PACSIN3: variants seen among roughly 807,000 people sequenced by gnomAD.
The protein encoded by PACSIN3 is protein kinase C and casein kinase substrate in neurons protein 3.
A neutral mutation model predicts 56.1 loss-of-function variants in PACSIN3; 34 were observed. That is an observed-to-expected ratio of 0.61 (90% CI 0.46 to 0.81). The LOEUF is 0.81. PACSIN3 is among the 30% of genes least tolerant of loss of function. The pLI, the probability that PACSIN3 is intolerant of heterozygous loss-of-function variation, is 0.00. For missense variants in PACSIN3, 535 were observed against 592.4 expected (o/e 0.90, Z 1.01); for synonymous variants, 218 against 229.8 (o/e 0.95, Z 0.46).
In PACSIN3 at chr11:47,178,018, C is replaced by G; in HGVS notation, c.1188G>C (p.Glu396Asp). The stretch of plus-strand genomic sequence containing the variant: ...GGCCTTGGCACCAGCCCTGCTCGTC[C>G]TCCTCACTCATCTTCAGCAGCTCCT... ...AGEELLKMSEEDEQGWCQGQL... is the reference protein window; with the variant it reads ...AGEELLKMSEDDEQGWCQGQL... Residue 396 changes from glutamate to aspartate, a missense_variant, in exon 11 of 11, where the codon GAG becomes GAC. Glu to Asp is a conservative substitution (Grantham distance 45). Transcript: ENST00000298838. The surrounding 1 kb of genome is among the most constrained non-coding windows in gnomAD (Gnocchi z 4.2). The G allele has an allele frequency of 1.9e-6, 3 of 1,613,990 alleles. No homozygotes were observed. The highest frequency in any genetic ancestry group is 2.5e-6 in the Non-Finnish European group (3 of 1,179,900).
chr11:47,178,250 C>T lies in PACSIN3; in HGVS notation c.1159+116G>A. 7.8e-6 allele frequency: 11 copies of T among 1,415,314 alleles called. No homozygotes were observed. The highest frequency in any genetic ancestry group is 1.4e-5 in the African/African-American group (1 of 70,360). 87.7% of individuals were successfully genotyped at this position (1,415,314 alleles called of 1,614,324 possible). A position where few individuals can be genotyped will look rare whatever the true frequency, so the allele number is the denominator to read the frequency against. On this transcript the variant is annotated intron_variant, in intron 10 of 10. Coordinates refer to ENST00000298838, the MANE Select transcript of PACSIN3 (RefSeq NM_016223.5). The surrounding 1 kb of genome is among the most constrained non-coding windows in gnomAD (Gnocchi z 4.2). ...AGGCACCAGCTATCTGGACCTGGAA[C>T]AGCTGAAGGGACAGAGGACTGGCCC... is the stretch of plus-strand genomic sequence containing the variant.
chr11:47,178,615 G>T lies in PACSIN3; in HGVS notation c.1038-128C>A. The T allele has an allele frequency of 8.0e-7, 1 of 1,254,740 alleles. No homozygotes were observed. Among genetic ancestry groups the T allele is most frequent in the South Asian group, 1.5e-5 (1 of 67,836 alleles). 77.7% of individuals were successfully genotyped at this position (1,254,740 alleles called of 1,614,324 possible). ...TGGGAGAGTCAGGTGAGGTACTAAAGATTCTAGCTCTACCTCGCCATGCCC... is the reference window on the plus strand; with the variant it reads ...TGGGAGAGTCAGGTGAGGTACTAAATATTCTAGCTCTACCTCGCCATGCCC... On this transcript the variant is annotated intron_variant, in intron 9 of 10. Transcript: ENST00000298838. The surrounding 1 kb of genome is among the most constrained non-coding windows in gnomAD (Gnocchi z 4.2).
intron 1 of PACSIN3, 52 bp from the exon 2 acceptor site, chr11:47,183,121 C>T (rs554292842): frequency 1.6e-4 from 27 of 169,700 alleles, no homozygotes; most frequent in African/African-American, 5.5e-4. Flanking sequence ...GCGTCCAGGG[C>T]GGTGCCCGGC....
Position 47,179,655 on chromosome 11 carries a change from C to T in PACSIN3, c.604-69G>A, listed in dbSNP as rs1259921231. The T allele has an allele frequency of 1.4e-6, 2 of 1,473,106 alleles. No individual in the cohort carries two copies. The highest frequency in any genetic ancestry group is 2.8e-5 in the African/African-American group (2 of 71,596). 91.3% of individuals were successfully genotyped at this position (1,473,106 alleles called of 1,614,324 possible). On this transcript the variant is annotated intron_variant, in intron 6 of 10. Transcript: ENST00000298838. This position sits in a 1 kb window ranked among gnomAD's most constrained non-coding sequence, Gnocchi z 4.4. ...CACCCAGGACTCCACCAGTGTTTAC[C>T]AGACACTGCCATAGGCTGCTAGACC... is the stretch of plus-strand genomic sequence containing the variant.
At chr11:47,184,501 G>C (rs1158507582) in intron 1 of PACSIN3, 2 of 152,284 alleles carry the variant, frequency 1.3e-5, no homozygotes, top group Non-Finnish European at 2.9e-5. Flanking sequence ...CCACGCGCTG[G>C]AATCAGCAAT....
chr11:47,180,745 A>G (rs1344576061), intron 4 of PACSIN3, 55 bp from the exon 5 acceptor site: 51 of 1,436,498 alleles, frequency 3.6e-5, no homozygotes, highest in Non-Finnish European at 4.8e-5. Flanking sequence ...AAATGAGCCT[A>G]GCCCCTCTCA....
intron 1 of PACSIN3, among the ~76,000 whole-genome samples, chr11:47,184,836 A>G (rs1173758472): frequency 6.6e-6 from 1 of 152,096 alleles, no homozygotes; most frequent in African/African-American, 2.4e-5. Flanking sequence ...TGCCTGTTCC[A>G]GCCTCCGAGT....
At position 47,179,820 on chromosome 11, in the gene PACSIN3, A is replaced by G; in HGVS notation, c.604-234T>C. On this transcript the variant is annotated intron_variant, in intron 6 of 10. Transcript: ENST00000298838. The surrounding 1 kb of genome is among the most constrained non-coding windows in gnomAD (Gnocchi z 4.4). ...GATTGAAATGAGGTCAACCTACAGG[A>G]AAGGATGGGAGAAATCAGAAAAGGC... 1 of 569,864 alleles carries G rather than the reference A, an allele frequency of 1.8e-6. No homozygotes were observed. Among genetic ancestry groups the G allele is most frequent in the South Asian group, 2.4e-5 (1 of 42,280 alleles). The allele number at this position is 569,864 out of a possible 1,614,324, so 35.3% of individuals were successfully genotyped here.
In PACSIN3 at chr11:47,179,727, C is replaced by A; in HGVS notation, c.604-141G>T. On this transcript the variant is annotated intron_variant, in intron 6 of 10. Transcript: ENST00000298838. The surrounding 1 kb of genome is among the most constrained non-coding windows in gnomAD (Gnocchi z 4.4). ...ATCAGTCCCAAGACCCAGCTCCTGC[C>A]CTCAAGGACCCCAGCAGCCTAACAA... 1.4e-6 allele frequency: 1 copy of A among 691,896 alleles called. No homozygotes were observed. Among genetic ancestry groups the A allele is most frequent in the Non-Finnish European group, 2.4e-6 (1 of 419,898 alleles). 42.9% of individuals were successfully genotyped at this position (691,896 alleles called of 1,614,324 possible). A position where few individuals can be genotyped will look rare whatever the true frequency, so the allele number is the denominator to read the frequency against.
rs2135448101 is a variant in PACSIN3, at chr11:47,177,857, A to G, written c.*74T>C. ...CAGAGAGCGACGGTTCAGGGCCCTG[A>G]GGGTCCGGCTCTCCAGGAGAAGCTG... On this transcript the variant is annotated 3_prime_UTR_variant, in exon 11 of 11. Transcript: ENST00000298838. 8.5e-7 allele frequency: 1 copy of G among 1,171,166 alleles called. No homozygotes were observed. The highest frequency in any genetic ancestry group is 2.4e-5 in the East Asian group (1 of 42,314). 72.5% of individuals were successfully genotyped at this position (1,171,166 alleles called of 1,614,324 possible).
At chr11:47,183,342 G>C (rs1475902162) in intron 1 of PACSIN3, 2 of 152,342 alleles carry the variant, frequency 1.3e-5, no homozygotes, top group Non-Finnish European at 2.9e-5. Flanking sequence ...TGTTACCCGA[G>C]AGGCCAAGTC....
rs1471673138 is a variant in PACSIN3, at chr11:47,186,075, C to T, written c.-104+274G>A. Among the ~76,000 whole-genome samples, 1 of 151,996 alleles carries T rather than the reference C, an allele frequency of 6.6e-6. No individual in the cohort carries two copies. The highest frequency in any genetic ancestry group is 2.4e-5 in the African/African-American group (1 of 41,418). On this transcript the variant is annotated intron_variant, in intron 1 of 10. Coordinates refer to ENST00000298838, the MANE Select transcript of PACSIN3 (RefSeq NM_016223.5). The surrounding 1 kb of genome is among the most constrained non-coding windows in gnomAD (Gnocchi z 4.5). The stretch of plus-strand genomic sequence containing the variant: ...CGGGCGCGAGGCGAGCGGACGGGGG[C>T]CCTCGAGGGGCCCCTGAAGACGGCT...
At position 47,179,747 on chromosome 11, in the gene PACSIN3, T is replaced by A; in HGVS notation, c.604-161A>T. On this transcript the variant is annotated intron_variant, in intron 6 of 10. Transcript: ENST00000298838. This position sits in a 1 kb window ranked among gnomAD's most constrained non-coding sequence, Gnocchi z 4.4. ...CCTGCCCTCAAGGACCCCAGCAGCC[T>A]AACAAGGGAGGTGACATCAGGCACA... 1.6e-6 allele frequency: 1 copy of A among 632,298 alleles called. No individual in the cohort carries two copies. The highest frequency in any genetic ancestry group is 2.7e-6 in the Non-Finnish European group (1 of 367,824). 39.2% of individuals were successfully genotyped at this position (632,298 alleles called of 1,614,324 possible).
chr11:47,178,583 A>G lies in PACSIN3; in HGVS notation c.1038-96T>C. 1 of 1,475,186 alleles carries G rather than the reference A, an allele frequency of 6.8e-7. No individual in the cohort carries two copies. Among genetic ancestry groups the G allele is most frequent in the Non-Finnish European group, 9.1e-7 (1 of 1,093,898 alleles). 91.4% of individuals were successfully genotyped at this position (1,475,186 alleles called of 1,614,324 possible). On this transcript the variant is annotated intron_variant, in intron 9 of 10. Coordinates refer to ENST00000298838, the MANE Select transcript of PACSIN3 (RefSeq NM_016223.5). This position sits in a 1 kb window ranked among gnomAD's most constrained non-coding sequence, Gnocchi z 4.2. ...AGGGCAAAGGCCTCCCTACCCCCAG[A>G]GGCACCTGGGAGAGTCAGGTGAGGT... is the stretch of plus-strand genomic sequence containing the variant.
rs1215225201 is a variant in PACSIN3, at chr11:47,179,471, A to T, written c.719T>A (p.Leu240His). ...TCQAAERQRL[L>H]FFKDMLLTLH... is the part of the protein sequence containing the mutation. ...GGTGAGCAGCATATCCTTGAAGAAA[A>T]GAAGCCGCTGGCGCTCGGCGGCCTG... Residue 240 changes from leucine (L) to histidine (H), a missense_variant, in exon 7 of 11, where the codon CTT becomes CAT. Coordinates refer to ENST00000298838, the MANE Select transcript of PACSIN3 (RefSeq NM_016223.5). This position sits in a 1 kb window ranked among gnomAD's most constrained non-coding sequence, Gnocchi z 4.4. 6.2e-7 allele frequency: 1 copy of T among 1,614,058 alleles called. No homozygotes were observed. Among genetic ancestry groups the T allele is most frequent in the African/African-American group, 1.3e-5 (1 of 75,060 alleles).
rs1419644000 is a variant in PACSIN3 at position 47,183,034 on chromosome 11, G to C, written c.-68C>G. On this transcript the variant is annotated 5_prime_UTR_variant, in exon 2 of 11. Transcript: ENST00000298838. ...GCCTAGAGATCACTTCAAGGACCCGGGTGTCCAACTCTCAATGCTGCCACC... is the reference window on the plus strand; with the variant it reads ...GCCTAGAGATCACTTCAAGGACCCGCGTGTCCAACTCTCAATGCTGCCACC... The C allele has an allele frequency of 3.1e-6, 1 of 326,070 alleles. No homozygotes were observed. The highest frequency in any genetic ancestry group is 5.7e-5 in the East Asian group (1 of 17,498). 20.2% of individuals were successfully genotyped at this position (326,070 alleles called of 1,614,324 possible). A position where few individuals can be genotyped will look rare whatever the true frequency, so the allele number is the denominator to read the frequency against.
rs1395401703 is a variant in PACSIN3, at chr11:47,180,538, C to G, written c.364G>C (p.Val122Leu). ...CGGCTCTCGCGGAAGCCGCCCAGCA[C>G]AGGCCGGTGGAAAGCCCCCCGCTGC... ...AWQRGAFHRP[V>L]LGGFRESRAA... Residue 122 changes from valine (V) to leucine (L), a missense_variant, in exon 5 of 11, where the codon GTG (valine) becomes CTG (leucine). Coordinates refer to ENST00000298838, the MANE Select transcript of PACSIN3 (RefSeq NM_016223.5). 1.9e-6 allele frequency: 3 copies of G among 1,604,072 alleles called. No homozygotes were observed. The African/African-American group carries it at 4.0e-5, about 21-fold the overall frequency.
In PACSIN3 at chr11:47,183,050, T is replaced by G; in HGVS notation, c.-84A>C. 2 of 259,522 alleles carry G rather than the reference T, an allele frequency of 7.7e-6. No individual in the cohort carries two copies. The highest frequency in any genetic ancestry group is 1.4e-5 in the Non-Finnish European group (2 of 141,192). The allele number at this position is 259,522 out of a possible 1,614,324, so 16.1% of individuals were successfully genotyped here. On this transcript the variant is annotated 5_prime_UTR_variant, in exon 2 of 11. Transcript: ENST00000298838. ...AAGGACCCGGGTGTCCAACTCTCAATGCTGCCACCGTGACTCTGCCTTGAA... is the reference window on the plus strand; with the variant it reads ...AAGGACCCGGGTGTCCAACTCTCAAGGCTGCCACCGTGACTCTGCCTTGAA...
Position 47,186,221 on chromosome 11 carries a change from G to A in PACSIN3, c.-104+128C>T, listed in dbSNP as rs1953117875. ...GCCCTTCCCGTCGGCACGCAGAGCGGGGTGGCCGGGGGCTCCCTGGGCGGG... is the reference window on the plus strand; with the variant it reads ...GCCCTTCCCGTCGGCACGCAGAGCGAGGTGGCCGGGGGCTCCCTGGGCGGG... On this transcript the variant is annotated intron_variant, in intron 1 of 10. Transcript: ENST00000298838. The surrounding 1 kb of genome is among the most constrained non-coding windows in gnomAD (Gnocchi z 4.5). 1 of 151,998 alleles carries A rather than the reference G, an allele frequency of 6.6e-6. No homozygotes were observed. The highest frequency in any genetic ancestry group is 6.6e-5 in the Admixed American group (1 of 15,262). The allele number at this position is 151,998 out of a possible 1,614,324, so 9.4% of individuals were successfully genotyped here. A position where few individuals can be genotyped will look rare whatever the true frequency, so the allele number is the denominator to read the frequency against.
Sources: gnomAD v4.1 joint callset for allele counts (sites outside exome capture counted in the v4.1 genomes callset) on GRCh38, gnomAD v4.1.1 for gene constraint, Gnocchi (gnomAD v3.1) non-coding constraint, MANE v1.5 for transcripts, NCBI Gene and HGNC (gene_info 2026-07-23, HGNC 2026-07-21) for gene names.